Variants in BTBD10 observed in about 807,000 individuals in gnomAD.
BTBD10 encodes the protein BTB domain containing 10.
BTBD10 carries 21 observed loss-of-function variants against 53.2 expected under a neutral mutation model. The observed-to-expected ratio is 0.39, with a 90% CI of 0.28 to 0.57. The LOEUF (loss-of-function observed/expected upper bound fraction) is 0.57. Among genes scored for constraint, BTBD10 ranks in the 20% least tolerant of loss-of-function variants. BTBD10 has a pLI of 0.53. For synonymous variants in BTBD10, 149 were observed against 192.7 expected (o/e 0.77, Z 1.88); for missense variants, 360 against 594.7 (o/e 0.61, Z 4.10).
intron 2 of BTBD10, among the ~76,000 whole-genome samples, chr11:13,433,157 T>A (rs979339406): frequency 6.6e-6 from 1 of 152,222 alleles, no homozygotes; most frequent in Non-Finnish European, 1.5e-5. Context: ...AATCTCTCTC[T>A]CTGACCTTCA....
chr11:13,388,908 C>T lies in BTBD10; in HGVS notation c.1351G>A (p.Glu451Lys). ...VVMHPTPQVD[E>K]LDILPIHPPS... ...GGATGGATAGGGAGAATATCCAGCT[C>T]ATCCACTTGTGGAGTTGGATGCATG... The change falls in exon 9 of 9, where the codon GAG (glutamate) becomes AAG (lysine). Residue 451 changes from glutamate to lysine, a missense_variant. Coordinates refer to ENST00000278174, the MANE Select transcript of BTBD10 (RefSeq NM_032320.7). 1 of 1,614,202 alleles carries T rather than the reference C, an allele frequency of 6.2e-7. No individual in the cohort carries two copies. Among genetic ancestry groups the T allele is most frequent in the Non-Finnish European group, 8.5e-7 (1 of 1,180,032 alleles).
intron 1 of BTBD10, among the ~76,000 whole-genome samples, chr11:13,448,848 T>C (rs536299576): frequency 6.6e-6 from 1 of 152,306 alleles, no homozygotes; most frequent in Admixed American, 6.5e-5. Context: ...AAACTAAAGT[T>C]TATTGTTGTT....
At chr11:13,451,123 A>T (rs1169078146) in intron 1 of BTBD10, among the ~76,000 whole-genome samples, 1 of 152,152 alleles carries the variant, frequency 6.6e-6, no homozygotes, top group African/African-American at 2.4e-5. Context: ...TCTGAGCATA[A>T]ACTCTGCTCA....
chr11:13,416,014 T>G (rs571875846), intron 5 of BTBD10, among the ~76,000 whole-genome samples: 2 of 151,592 alleles, frequency 1.3e-5, no homozygotes, highest in Non-Finnish European at 2.9e-5. Context: ...GATAAAATAT[T>G]TTTCAAAAAA....
intron 1 of BTBD10, among the ~76,000 whole-genome samples, chr11:13,454,180 G>C (rs772416137): frequency 6.6e-6 from 1 of 152,176 alleles, no homozygotes; most frequent in Non-Finnish European, 1.5e-5. Flanking sequence ...TGTCTTAAAA[G>C]AATACTGTCA....
At chr11:13,400,312 G>A (rs1051761151) in intron 8 of BTBD10, among the ~76,000 whole-genome samples, 2 of 152,156 alleles carry the variant, frequency 1.3e-5, no homozygotes, top group African/African-American at 2.4e-5. Context: ...TGCTAGCAAT[G>A]AGCAAGGCTC....
intron 1 of BTBD10, among the ~76,000 whole-genome samples, chr11:13,458,152 A>C (rs971373038): frequency 6.6e-6 from 1 of 151,738 alleles, no homozygotes; most frequent in Non-Finnish European, 1.5e-5. Flanking sequence ...AAAAAAAAAA[A>C]AAAAAACTGT....
intron 2 of BTBD10, among the ~76,000 whole-genome samples, chr11:13,437,067 G>C (rs1027610378): frequency 3.3e-5 from 5 of 152,224 alleles, no homozygotes; most frequent in African/African-American, 1.2e-4. Context: ...ACAGGCGTGA[G>C]ACATCACGCC....
intron 5 of BTBD10, 71 bp from the exon 6 acceptor site, chr11:13,413,721 A>AGG: frequency 7.1e-7 from 1 of 1,417,124 alleles, no homozygotes; most frequent in African/African-American, 1.4e-5. Flanking sequence ...TTATTAAGGA[A>AGG]GGGCTGGTAA....
chr11:13,444,998 A>T (rs774652258), intron 2 of BTBD10, 26 bp downstream of exon 2: 30 of 1,553,966 alleles, frequency 1.9e-5, no homozygotes, highest in Middle Eastern at 1.8e-4. Context: ...GAGCTTTCAT[A>T]TGCGAAATAC....
chr11:13,388,839 T>C lies in BTBD10; in HGVS notation c.1420A>G (p.Met474Val), dbSNP rs761799555. Residue 474 changes from methionine (M) to valine (V), a missense_variant, in exon 9 of 9, where the codon ATG becomes GTG. Met to Val is a conservative substitution (Grantham distance 21). Transcript: ENST00000278174. Reference protein sequence around the residue: ...SDLDPDAQNPML With the variant: ...SDLDPDAQNPVL ...TTCAAGGAAGATCAGCATCACAGCA[T>C]TGGATTCTGTGCATCAGGATCGAGG... The C allele has an allele frequency of 8.7e-6, 14 of 1,611,454 alleles. No individual in the cohort carries two copies. The highest frequency in any genetic ancestry group is 3.3e-4 in the Middle Eastern group (2 of 6,080).
intron 5 of BTBD10, among the ~76,000 whole-genome samples, chr11:13,416,768 G>A (rs1950123921): frequency 6.6e-6 from 1 of 152,096 alleles, no homozygotes; most frequent in Admixed American, 6.5e-5. Context: ...CTTGAGCCCT[G>A]GAGTTCGAGA....
chr11:13,460,443 C>T (rs529513805), intron 1 of BTBD10, among the ~76,000 whole-genome samples: 153 of 152,274 alleles, frequency 1.0e-3, no homozygotes, highest in African/African-American at 3.6e-3. Flanking sequence ...TTCCCCATAA[C>T]CCAACTAGGT....
intron 8 of BTBD10, among the ~76,000 whole-genome samples, chr11:13,398,242 T>C (rs1949610806): frequency 6.6e-6 from 1 of 152,198 alleles, no homozygotes; most frequent in Admixed American, 6.5e-5. Context: ...TGGGTGCATA[T>C]ATATTTAGGA....
intron 5 of BTBD10, among the ~76,000 whole-genome samples, chr11:13,416,927 G>A (rs1329186628): frequency 6.6e-6 from 1 of 152,172 alleles, no homozygotes; most frequent in Non-Finnish European, 1.5e-5. Flanking sequence ...TGAGGCTGCA[G>A]TGAGCTATGA....
chr11:13,399,785 G>A (rs1444469907), intron 8 of BTBD10, among the ~76,000 whole-genome samples: 1 of 152,186 alleles, frequency 6.6e-6, no homozygotes, highest in South Asian at 2.1e-4. Context: ...CTCAGCAGCA[G>A]GTCTGTTGGA....
intron 1 of BTBD10, 50 bp from the exon 2 acceptor site, chr11:13,445,231 AAT>A (rs1226800420): frequency 4.4e-6 from 3 of 684,484 alleles, no homozygotes; most frequent in African/African-American, 3.6e-5. Context: ...CGCAGAATAA[AAT>A]AGTCATAGAA....
chr11:13,423,566 T>C (rs891821202), intron 2 of BTBD10, among the ~76,000 whole-genome samples: 13 of 152,216 alleles, frequency 8.5e-5, no homozygotes, highest in Non-Finnish European at 1.9e-4. Flanking sequence ...AATAACACTA[T>C]AACCTAAGCC....
chr11:13,433,909 A>G (rs1950500080), intron 2 of BTBD10, among the ~76,000 whole-genome samples: 1 of 152,182 alleles, frequency 6.6e-6, no homozygotes, highest in Non-Finnish European at 1.5e-5. Context: ...TTGGTCAATT[A>G]GCCTTCTATA....
Sources: allele counts gnomAD v4.1 joint callset (sites outside exome capture counted in the v4.1 genomes callset), GRCh38; gene constraint gnomAD v4.1.1; transcripts MANE v1.5; gene names NCBI Gene and HGNC (gene_info 2026-07-23, HGNC 2026-07-21).